The following UBE2W variants were observed in gnomAD, a reference collection of about 807,000 sequenced individuals.
UBE2W encodes the protein ubiquitin-conjugating enzyme E2 W.
In UBE2W, 18 loss-of-function variants were observed where a neutral mutation model predicts 27.2. That is an observed-to-expected ratio of 0.66 (90% confidence interval 0.46 to 0.98). The LOEUF (loss-of-function observed/expected upper bound fraction) is 0.98, where lower values mean the gene tolerates loss of function less well. UBE2W is among the 50% of genes least tolerant of loss of function. The pLI is 0.00. For missense variants in UBE2W, 90 were observed against 180.2 expected (o/e 0.50, Z 2.87); for synonymous variants, 53 against 57.2 (o/e 0.93, Z 0.33).
downstream of UBE2W, among the ~76,000 whole-genome samples, chr8:73,783,306 A>G (rs1257741339): frequency 6.6e-6 from 1 of 152,024 alleles, no homozygotes; most frequent in African/African-American, 2.4e-5. Context: ...AAGACCTCAG[A>G]TTTTCTCCTT....
chr8:73,787,323 A>C lies in UBE2W; in HGVS notation c.*6779T>G. 2 of 985,454 alleles carry C rather than the reference A, an allele frequency of 2.0e-6. No individual in the cohort carries two copies. Among genetic ancestry groups the C allele is most frequent in the Non-Finnish European group, 2.4e-6 (2 of 829,942 alleles). The allele number at this position is 985,454 out of a possible 1,614,324, so 61.0% of individuals were successfully genotyped here. On this transcript the variant is annotated 3_prime_UTR_variant, in exon 6 of 6. Coordinates refer to ENST00000602593, the MANE Select transcript of UBE2W (RefSeq NM_018299.6). ...TGTTATGTTAGTGTGAAAATGAGTA[A>C]GAAATATAGGGAGGACATAAACAGA...
intron 1 of UBE2W, among the ~76,000 whole-genome samples, chr8:73,877,739 A>G (rs891413137): frequency 2.0e-5 from 3 of 152,196 alleles, no homozygotes; most frequent in African/African-American, 7.2e-5. Context: ...TTCTCTTCCA[A>G]TGCCTTTGAT....
chr8:73,871,802 C>T (rs2130994863), intron 1 of UBE2W, among the ~76,000 whole-genome samples: 1 of 152,230 alleles, frequency 6.6e-6, no homozygotes, highest in African/African-American at 2.4e-5. Flanking sequence ...GATGCCAGAT[C>T]ATCCCTTTAT....
At position 73,787,383 on chromosome 8, in the gene UBE2W, A is replaced by G; in HGVS notation, c.*6719T>C. ...CCAGGGTAGCTTAAACTAATGGAGAAAAGTCAAATCCTACTATGGAAAGTA... is the reference window on the plus strand; with the variant it reads ...CCAGGGTAGCTTAAACTAATGGAGAGAAGTCAAATCCTACTATGGAAAGTA... On this transcript the variant is annotated 3_prime_UTR_variant, in exon 6 of 6. Transcript: ENST00000602593. The G allele has an allele frequency of 2.0e-6, 2 of 985,464 alleles. No individual in the cohort carries two copies. The highest frequency in any genetic ancestry group is 3.5e-5 in the African/African-American group (2 of 57,380). The allele number at this position is 985,464 out of a possible 1,614,324, so 61.0% of individuals were successfully genotyped here. A position where few individuals can be genotyped will look rare whatever the true frequency, so the allele number is the denominator to read the frequency against.
chr8:73,834,895 T>A (rs1810243141), intron 1 of UBE2W, among the ~76,000 whole-genome samples: 1 of 151,920 alleles, frequency 6.6e-6, no homozygotes, highest in Non-Finnish European at 1.5e-5. Flanking sequence ...GGCTATAGAG[T>A]GAGACTCCAT....
chr8:73,806,871 T>C (rs1808930085), intron 4 of UBE2W, among the ~76,000 whole-genome samples: 1 of 152,116 alleles, frequency 6.6e-6, no homozygotes, highest in Admixed American at 6.5e-5. Flanking sequence ...ATGGGAAAAA[T>C]ATATATTGGC....
intron 1 of UBE2W, among the ~76,000 whole-genome samples, chr8:73,858,151 A>T (rs1005647918): frequency 6.6e-6 from 1 of 152,100 alleles, no homozygotes; most frequent in East Asian, 1.9e-4. Context: ...ACCTGAGGTC[A>T]GGGGTTCAAG....
intron 1 of UBE2W, among the ~76,000 whole-genome samples, chr8:73,853,420 T>C (rs1004517809): frequency 2.0e-5 from 3 of 152,158 alleles, no homozygotes; most frequent in African/African-American, 7.2e-5. Context: ...CGTGCCACCA[T>C]GCCCAGCTAG....
chr8:73,805,472 C>CAAACAAAAAAAAAAAAACAAAAAAAA lies in UBE2W; in HGVS notation c.442+178_442+179insTTTTTTTTGTTTTTTTTTTTTTGTTT, dbSNP rs1254739442. 1.6e-3 allele frequency among the ~76,000 whole-genome samples: 72 copies of CAAACAAAAAAAAAAAAACAAAAAAAA among 43,692 alleles called. 2 individuals carry two copies. The highest frequency in any genetic ancestry group is 2.7e-3 in the Admixed American group (7 of 2,592). 28.7% of individuals were successfully genotyped at this position (43,692 alleles called of 152,430 possible). On this transcript the variant is annotated intron_variant, in intron 5 of 5. Coordinates refer to ENST00000602593, the MANE Select transcript of UBE2W (RefSeq NM_018299.6). ...TCCATCTCAAAAAAAAAAAAAAAAACAAAAAAAACTAGGGTAATTCATCCA... is the reference window on the plus strand; with the variant it reads ...TCCATCTCAAAAAAAAAAAAAAAAACAAACAAAAAAAAAAAAACAAAAAAAAAAAAAAAACTAGGGTAATTCATCCA...
intron 1 of UBE2W, among the ~76,000 whole-genome samples, chr8:73,843,914 G>A (rs1236142285): frequency 3.9e-5 from 6 of 152,170 alleles, no homozygotes; most frequent in East Asian, 1.9e-4. Flanking sequence ...GCTTGAACCC[G>A]TGAGACGGAG....
At chr8:73,844,726 C>T (rs1810700298) in intron 1 of UBE2W, among the ~76,000 whole-genome samples, 1 of 151,580 alleles carries the variant, frequency 6.6e-6, no homozygotes, top group Non-Finnish European at 1.5e-5. Flanking sequence ...AGCCGCCCAT[C>T]GTCTGGGATG....
intron 2 of UBE2W, among the ~76,000 whole-genome samples, 196 bp downstream of exon 2, chr8:73,830,183 AAT>A (rs1477815379): frequency 6.6e-5 from 10 of 152,224 alleles, no homozygotes; most frequent in Non-Finnish European, 1.5e-4. Flanking sequence ...CAGCTTTACA[AAT>A]TATGCAACAA....
intron 1 of UBE2W, among the ~76,000 whole-genome samples, chr8:73,877,323 T>C (rs1161464130): frequency 6.6e-6 from 1 of 152,212 alleles, no homozygotes. Context: ...TAGTGTAAAG[T>C]ATAATGTTTC....
At position 73,790,100 on chromosome 8, in the gene UBE2W, T is replaced by C. The variant is rs570475771; in HGVS notation, c.*4002A>G. 2.7e-5 allele frequency: 27 copies of C among 984,972 alleles called. No individual in the cohort carries two copies. Among genetic ancestry groups the C allele is most frequent in the Non-Finnish European group, 3.3e-5 (27 of 829,684 alleles). 61.0% of individuals were successfully genotyped at this position (984,972 alleles called of 1,614,324 possible). ...TTAGTATCAGAAACTCCATGTATTT[T>C]ATTTGTAGGAGAGCATTTTAAATTT... On this transcript the variant is annotated 3_prime_UTR_variant, in exon 6 of 6. Transcript: ENST00000602593.
chr8:73,876,205 C>T lies in UBE2W; in HGVS notation c.15+2603G>A, dbSNP rs555804225. 2.0e-5 allele frequency among the ~76,000 whole-genome samples: 3 copies of T among 151,572 alleles called. No individual in the cohort carries two copies. In the South Asian group the frequency reaches 6.3e-4, roughly 32 times the overall value. On this transcript the variant is annotated intron_variant, in intron 1 of 5. Transcript: ENST00000602593. ...CCACAGCAACTAGATAAGTGTCTGACACATAGAGGTCCCCCAAAAGATAAC... is the reference window on the plus strand; with the variant it reads ...CCACAGCAACTAGATAAGTGTCTGATACATAGAGGTCCCCCAAAAGATAAC...
chr8:73,792,607 T>C lies in UBE2W; in HGVS notation c.*1495A>G. 2 of 985,742 alleles carry C rather than the reference T, an allele frequency of 2.0e-6. No individual in the cohort carries two copies. The highest frequency in any genetic ancestry group is 1.7e-5 in the African/African-American group (1 of 57,364). 61.1% of individuals were successfully genotyped at this position (985,742 alleles called of 1,614,324 possible). A position where few individuals can be genotyped will look rare whatever the true frequency, so the allele number is the denominator to read the frequency against. ...AGTTTTAAGCCCAAATTGATTCATATATTCACTGCAGGATATTTCAAAAAG... is the reference window on the plus strand; with the variant it reads ...AGTTTTAAGCCCAAATTGATTCATACATTCACTGCAGGATATTTCAAAAAG... On this transcript the variant is annotated 3_prime_UTR_variant, in exon 6 of 6. Transcript: ENST00000602593.
chr8:73,795,751 T>C, intron 5 of UBE2W: 1 of 977,828 alleles, frequency 1.0e-6, no homozygotes, highest in Non-Finnish European at 1.2e-6. Flanking sequence ...ATAGTATCTT[T>C]AAGAAAACAA....
intron 1 of UBE2W, chr8:73,870,283 C>CCA: frequency 6.3e-7 from 1 of 1,587,192 alleles, no homozygotes; most frequent in Non-Finnish European, 8.6e-7. Context: ...AACCATACTT[C>CCA]CACCCTCCTT....
intron 2 of UBE2W, 82 bp downstream of exon 2, chr8:73,830,299 A>G: frequency 1.0e-6 from 1 of 988,564 alleles, no homozygotes; most frequent in Admixed American, 2.1e-5. Context: ...TGTGAAAATA[A>G]TTTTGTAGTT....
Sources: gnomAD v4.1 joint callset for allele counts (sites outside exome capture counted in the v4.1 genomes callset) on GRCh38, gnomAD v4.1.1 for gene constraint, MANE v1.5 for transcripts, NCBI Gene and HGNC (gene_info 2026-07-23, HGNC 2026-07-21) for gene names.